Variants in E4F1 observed in about 807,000 individuals in gnomAD.
E4F1 encodes E4F transcription factor 1, also known as transcription factor E4F1.
Under a neutral mutation model 72.9 loss-of-function variants are expected in E4F1, and 30 were observed. That is an observed-to-expected ratio of 0.41 (90% CI 0.31 to 0.56). The LOEUF is 0.56. Ranked by LOEUF, E4F1 falls within the 20% of genes least tolerant of loss-of-function variation. The pLI, the probability that E4F1 is intolerant of heterozygous loss-of-function variation, is 0.25. For missense variants in E4F1, 1,091 were observed against 1,117.5 expected (o/e 0.98, Z 0.34); for synonymous variants, 542 against 478.2 (o/e 1.13, Z -1.74).
rs1439341562 is a variant in E4F1, at chr16:2,232,840, C to A, written c.815C>A (p.Pro272His). 6 of 1,613,496 alleles carry A rather than the reference C, an allele frequency of 3.7e-6. No individual in the cohort carries two copies. The highest frequency in any genetic ancestry group is 5.1e-6 in the Non-Finnish European group (6 of 1,179,996). ...ALTRHLKSLTPCTEKIRFSVS... is the reference protein window; with the variant it reads ...ALTRHLKSLTHCTEKIRFSVS... ...ACCCGGCACCTCAAGTCTCTCACCC[C>A]CTGCACAGAGAAAATCCGCTTCAGT... The change falls in exon 6 of 14, where the codon CCC (proline) becomes CAC (histidine). Residue 272 changes from proline (P) to histidine (H), a missense_variant. Pro to His is a moderately conservative substitution (Grantham distance 77). Transcript: ENST00000301727.
chr16:2,227,379 T>C (rs1473750459), intron 1 of E4F1, among the ~76,000 whole-genome samples: 10 of 152,098 alleles, frequency 6.6e-5, no homozygotes, highest in Admixed American at 2.0e-4. Context: ...CTGGCTAATA[T>C]TGTTTTTTTT....
In E4F1 at chr16:2,235,115, C is replaced by T. The variant is rs1037226254; in HGVS notation, c.1970C>T (p.Thr657Met). Residue 657 changes from threonine to methionine, a missense_variant, in exon 13 of 14, where the codon ACG becomes ATG. Physicochemically the swap from Thr to Met is moderately conservative, Grantham distance 81. Around this residue, in one of 5 missense-constraint regions of E4F1, gnomAD observed 622 missense variants for 628.0 expected, o/e 0.99. Coordinates refer to ENST00000301727, the MANE Select transcript of E4F1 (RefSeq NM_004424.5). ...GACGATGCGGAGACCAGTGAGGCCA[C>T]GGAGATCATCGAGGGCACCCAGACA... is the stretch of plus-strand genomic sequence containing the variant. Reference protein sequence around the residue: ...TADDAETSEATEIIEGTQTEV... With the variant: ...TADDAETSEAMEIIEGTQTEV... 6 of 1,612,050 alleles carry T rather than the reference C, an allele frequency of 3.7e-6. No individual in the cohort carries two copies. The highest frequency in any genetic ancestry group is 5.1e-6 in the Non-Finnish European group (6 of 1,179,900).
rs117057799 is a variant in E4F1 at position 2,232,371 on chromosome 16, C to T, written c.609+7C>T. ...CCACAAGACCTTCAAGACGGTGAGC[C>T]GGCGTGCGGGGAGCCAGTGTGTGGG... On this transcript the variant is annotated splice_region_variant and intron_variant, in intron 4 of 13. Transcript: ENST00000301727. 130 of 1,600,062 alleles carry T rather than the reference C, an allele frequency of 8.1e-5. No individual in the cohort carries two copies. In the East Asian group the frequency reaches 1.2e-3, roughly 15 times the overall value.
At position 2,232,330 on chromosome 16, in the gene E4F1, A is replaced by G; in HGVS notation, c.575A>G (p.Tyr192Cys). ...VKLLVNKDGR[Y>C]VCALCHKTFK... ...CTACTGGTGAACAAGGATGGCCGCT[A>G]TGTGTGTGCGCTGTGCCACAAGACC... is the stretch of plus-strand genomic sequence containing the variant. Residue 192 changes from tyrosine to cysteine, a missense_variant, in exon 4 of 14, where the codon TAT becomes TGT. Tyr to Cys is a radical substitution (Grantham distance 194). Coordinates refer to ENST00000301727, the MANE Select transcript of E4F1 (RefSeq NM_004424.5). 1 of 1,608,700 alleles carries G rather than the reference A, an allele frequency of 6.2e-7. No individual in the cohort carries two copies. Among genetic ancestry groups the G allele is most frequent in the Non-Finnish European group, 8.5e-7 (1 of 1,177,580 alleles).
Position 2,235,037 on chromosome 16 carries a change from G to T in E4F1, c.1935+36G>T, listed in dbSNP as rs371833339. On this transcript the variant is annotated intron_variant, in intron 12 of 13. Transcript: ENST00000301727. ...GGCCCTGGGGCCGTGCTGGGACCCA[G>T]GGGCAGCCAAGGCTGACCTCTGTCC... 1.1e-4 allele frequency: 177 copies of T among 1,611,968 alleles called. No individual in the cohort carries two copies. The African/African-American group carries it at 2.2e-3, about 20-fold the overall frequency.
Position 2,235,477 on chromosome 16 carries a change from G to C in E4F1, c.2260G>C (p.Val754Leu), listed in dbSNP as rs371734250. ...CACTGAACAGGCCACTGTGACCATG[G>C]TGTCATCAGAGGACATCGAGATCCT... The part of the protein sequence containing the change: ...SGTEQATVTM[V>L]SSEDIEILEH... Residue 754 changes from valine to leucine, a missense_variant, in exon 14 of 14, where the codon GTG becomes CTG. Val to Leu is a conservative substitution (Grantham distance 32). This residue lies in a region of E4F1 where 622 missense variants were observed against 628.0 expected (regional missense o/e 0.99). Coordinates refer to ENST00000301727, the MANE Select transcript of E4F1 (RefSeq NM_004424.5). The C allele has an allele frequency of 6.2e-7, 1 of 1,612,372 alleles. No individual in the cohort carries two copies. The highest frequency in any genetic ancestry group is 8.5e-7 in the Non-Finnish European group (1 of 1,179,668).
At chr16:2,228,685 C>T (rs933519178) in intron 2 of E4F1, among the ~76,000 whole-genome samples, 162 bp downstream of exon 2, 2 of 152,236 alleles carry the variant, frequency 1.3e-5, no homozygotes, top group African/African-American at 4.8e-5. Flanking sequence ...GTGTGTGAGC[C>T]TGTGGTGCTC....
chr16:2,232,993 C>T lies in E4F1; in HGVS notation c.884-18C>T. 1.2e-6 allele frequency: 2 copies of T among 1,608,860 alleles called. No individual in the cohort carries two copies. On this transcript the variant is annotated intron_variant, in intron 6 of 13. Coordinates refer to ENST00000301727, the MANE Select transcript of E4F1 (RefSeq NM_004424.5). ...TGGGGTGTGTGAGGGATCTTCACTC[C>T]CTCACTCCACCTTGAAGGTTCTGGA...
chr16:2,235,062 C>T lies in E4F1; in HGVS notation c.1936-19C>T. On this transcript the variant is annotated intron_variant, in intron 12 of 13. Coordinates refer to ENST00000301727, the MANE Select transcript of E4F1 (RefSeq NM_004424.5). ...GGGGCAGCCAAGGCTGACCTCTGTC[C>T]TTCTGCCCATCTGCCCAGGCCACTG... The T allele has an allele frequency of 6.2e-7, 1 of 1,612,354 alleles. No homozygotes were observed. Among genetic ancestry groups the T allele is most frequent in the Non-Finnish European group, 8.5e-7 (1 of 1,179,748 alleles).
chr16:2,234,745 G>A lies in E4F1; in HGVS notation c.1756G>A (p.Glu586Lys), dbSNP rs542672426. The change falls in exon 11 of 14, where the codon GAG (glutamate) becomes AAG (lysine). Residue 586 changes from glutamate (E) to lysine (K), a missense_variant. Transcript: ENST00000301727. ...KCYKCGRGFA[E>K]HGTLNRHLRT... The stretch of plus-strand genomic sequence containing the variant: ...CTACAAGTGCGGCCGTGGCTTCGCC[G>A]AGCACGGCACGCTGAACCGGCACCT... 2 of 1,553,116 alleles carry A rather than the reference G, an allele frequency of 1.3e-6. No individual in the cohort carries two copies. Among genetic ancestry groups the A allele is most frequent in the African/African-American group, 1.4e-5 (1 of 73,390 alleles).
intron 3 of E4F1, chr16:2,231,758 C>G: frequency 5.6e-6 from 1 of 179,304 alleles, no homozygotes; most frequent in Non-Finnish European, 1.2e-5. Flanking sequence ...AGAGTGGCCC[C>G]GGACGCACAT....
At chr16:2,226,544 A>C (rs1370968886) in intron 1 of E4F1, among the ~76,000 whole-genome samples, 1 of 152,216 alleles carries the variant, frequency 6.6e-6, no homozygotes, top group African/African-American at 2.4e-5. Context: ...ACATTTGCCC[A>C]GCTCCTTCGG....
At position 2,233,425 on chromosome 16, in the gene E4F1, G is replaced by A; in HGVS notation, c.1057-13G>A. The A allele has an allele frequency of 3.3e-6, 5 of 1,508,980 alleles. No homozygotes were observed. The highest frequency in any genetic ancestry group is 4.4e-6 in the Non-Finnish European group (5 of 1,135,928). The allele number at this position is 1,508,980 out of a possible 1,614,324, so 93.5% of individuals were successfully genotyped here. A position where few individuals can be genotyped will look rare whatever the true frequency, so the allele number is the denominator to read the frequency against. ...GCTGCCTGGCCAGCCTCCTCTCTCTGCCTCCCCTGCAGCCCCCCGTCTCCC... is the reference window on the plus strand; with the variant it reads ...GCTGCCTGGCCAGCCTCCTCTCTCTACCTCCCCTGCAGCCCCCCGTCTCCC... On this transcript the variant is annotated splice_polypyrimidine_tract_variant and intron_variant, in intron 7 of 13. Coordinates refer to ENST00000301727, the MANE Select transcript of E4F1 (RefSeq NM_004424.5).
In E4F1 at chr16:2,232,941, G is replaced by A. The variant is rs200987209; in HGVS notation, c.883+33G>A. The A allele has an allele frequency of 1.3e-4, 209 of 1,612,738 alleles. 2 individuals are homozygous for A. The African/African-American group carries it at 2.4e-3, about 19-fold the overall frequency. ...TGGTGCGGGCAGCTGCCTGGTCCTGGGGGCTGGCTGTGGACGCAGCCGCCA... is the reference window on the plus strand; with the variant it reads ...TGGTGCGGGCAGCTGCCTGGTCCTGAGGGCTGGCTGTGGACGCAGCCGCCA... On this transcript the variant is annotated intron_variant, in intron 6 of 13. Coordinates refer to ENST00000301727, the MANE Select transcript of E4F1 (RefSeq NM_004424.5).
In E4F1 at chr16:2,234,314, C is replaced by T. The variant is rs770621423; in HGVS notation, c.1519C>T (p.Arg507Cys). Residue 507 changes from arginine (R) to cysteine (C), a missense_variant, in exon 10 of 14, where the codon CGT (arginine) becomes TGT (cysteine). Transcript: ENST00000301727. ...GCTCTACAAGACCATTGCCCATGTG[C>T]GTGGCCACCGGCGCGTCCACTCAGA... ...GKLYKTIAHV[R>C]GHRRVHSDER... is the part of the protein sequence containing the mutation. 3.7e-6 allele frequency: 6 copies of T among 1,612,850 alleles called. No homozygotes were observed. In the East Asian group the frequency reaches 6.7e-5, roughly 18 times the overall value.
intron 1 of E4F1, among the ~76,000 whole-genome samples, chr16:2,225,663 G>T (rs547548045): frequency 1.3e-5 from 2 of 151,396 alleles, no homozygotes; most frequent in African/African-American, 4.8e-5. Flanking sequence ...GTAGAGACTG[G>T]ATTTCTCCAT....
chr16:2,229,123 C>A lies in E4F1; in HGVS notation c.310-447C>A, dbSNP rs570400416. 4.6e-5 allele frequency among the ~76,000 whole-genome samples: 7 copies of A among 152,368 alleles called. No homozygotes were observed. The South Asian group carries it at 1.4e-3, about 32-fold the overall frequency. Reference sequence around the variant, plus strand: ...GGACCCTGGACACCCCACTCTGAGCCTGTGCTCTTTACCTGCTCCTCCCAG... The same window carrying A: ...GGACCCTGGACACCCCACTCTGAGCATGTGCTCTTTACCTGCTCCTCCCAG... On this transcript the variant is annotated intron_variant, in intron 2 of 13. Coordinates refer to ENST00000301727, the MANE Select transcript of E4F1 (RefSeq NM_004424.5).
At position 2,232,244 on chromosome 16, in the gene E4F1, G is replaced by A. The variant is rs771680213; in HGVS notation, c.489G>A (p.Pro163=). Reference sequence around the variant, plus strand: ...GAGACGGTGAGATGGCCGAGGCCCCGGGCAGCCCCCGCCAGCAGGGGCTGG... The same window carrying A: ...GAGACGGTGAGATGGCCGAGGCCCCAGGCAGCCCCCGCCAGCAGGGGCTGG... ...ELGDGEMAEA[P]GSPRQQGLGL... is the part of the protein sequence containing the mutation. Residue 163 remains proline (P), a synonymous_variant, in exon 4 of 14, where the codon CCG becomes CCA. Transcript: ENST00000301727. The A allele has an allele frequency of 8.7e-6, 14 of 1,612,662 alleles. No homozygotes were observed. The highest frequency in any genetic ancestry group is 2.2e-5 in the East Asian group (1 of 44,868).
intron 8 of E4F1, 94 bp downstream of exon 8, chr16:2,233,741 A>C: frequency 6.9e-7 from 1 of 1,451,224 alleles, no homozygotes; most frequent in South Asian, 1.3e-5. Flanking sequence ...GGCTTTCTGC[A>C]GTGACTTTGT....
Sources: allele counts gnomAD v4.1 joint callset (sites outside exome capture counted in the v4.1 genomes callset), GRCh38; gene constraint gnomAD v4.1.1; regional missense constraint gnomAD v4.1.1; transcripts MANE v1.5; gene names NCBI Gene and HGNC (gene_info 2026-07-23, HGNC 2026-07-21).